Variants in FDFT1 observed in about 807,000 individuals in gnomAD.
FDFT1 encodes squalene synthase.
Under a neutral mutation model 46.8 loss-of-function variants are expected in FDFT1, and 68 were observed. The observed-to-expected ratio is 1.45, with a 90% CI of 1.19 to 1.78. The LOEUF (loss-of-function observed/expected upper bound fraction) is 1.78, where lower values mean the gene tolerates loss of function less well. Among genes scored for constraint, FDFT1 ranks in the 40% most tolerant of loss-of-function variants. The pLI is 0.00. For synonymous variants in FDFT1, 351 were observed against 185.1 expected, an observed-to-expected ratio of 1.90 and a Z score of -7.28; for missense variants, 928 against 524.4, an observed-to-expected ratio of 1.77 and a Z score of -7.52.
At chr8:11,814,084 A>G (rs1393959285) in intron 3 of FDFT1, among the ~76,000 whole-genome samples, 4 of 152,230 alleles carry the variant, frequency 2.6e-5, no homozygotes, top group African/African-American at 9.6e-5. Flanking sequence ...TCCCACCCTC[A>G]TTGACCTTTC....
chr8:11,806,277 G>C (rs151164525), intron 1 of FDFT1, among the ~76,000 whole-genome samples: 3 of 152,142 alleles, frequency 2.0e-5, no homozygotes, highest in African/African-American at 7.2e-5. Flanking sequence ...ACCCAAGAGG[G>C]ACAGGCACCA....
chr8:11,827,959 T>C (rs1017775320), intron 5 of FDFT1, among the ~76,000 whole-genome samples: 3 of 152,060 alleles, frequency 2.0e-5, no homozygotes, highest in African/African-American at 4.8e-5. Flanking sequence ...CCCAGCACTT[T>C]GGGAAGCCCA....
intron 4 of FDFT1, among the ~76,000 whole-genome samples, chr8:11,822,159 C>G (rs768689457): frequency 6.6e-6 from 1 of 152,178 alleles, no homozygotes; most frequent in African/African-American, 2.4e-5. Context: ...AACTACACAT[C>G]AAAACATAAG....
At chr8:11,817,220 G>A (rs577902526) in intron 3 of FDFT1, among the ~76,000 whole-genome samples, 2 of 152,140 alleles carry the variant, frequency 1.3e-5, no homozygotes, top group African/African-American at 2.4e-5. Context: ...GGATGAAGCC[G>A]ACTTGATCGT....
Position 11,826,158 on chromosome 8 carries a change from C to T in FDFT1, c.645C>T (p.Asn215=). The change falls in exon 5 of 8, where the codon AAC becomes AAT. Residue 215 remains asparagine (N), a synonymous_variant. Coordinates refer to ENST00000220584, the MANE Select transcript of FDFT1 (RefSeq NM_004462.5). ...TGGGCCTGTTTTTGCAGAAAACAAA[C>T]ATCATCCGTGACTATCTGGAAGACC... is the stretch of plus-strand genomic sequence containing the variant. ...NSMGLFLQKT[N]IIRDYLEDQQ... The T allele has an allele frequency of 6.2e-7, 1 of 1,602,672 alleles. No individual in the cohort carries two copies. Among genetic ancestry groups the T allele is most frequent in the Non-Finnish European group, 8.5e-7 (1 of 1,171,388 alleles).
chr8:11,818,802 T>C (rs561994970), intron 3 of FDFT1, among the ~76,000 whole-genome samples: 51 of 152,366 alleles, frequency 3.3e-4, no homozygotes, highest in African/African-American at 1.2e-3. Flanking sequence ...CTTGACTGTT[T>C]ATCCAATTTG....
chr8:11,834,957 C>T (rs946461731), intron 7 of FDFT1, among the ~76,000 whole-genome samples: 6 of 152,160 alleles, frequency 3.9e-5, no homozygotes, highest in African/African-American at 1.2e-4. Context: ...AACCCTGTCT[C>T]TACTAAAAAT....
At chr8:11,802,209 C>A (rs115962864), upstream of FDFT1, 2,054 of 408,964 alleles carry the variant, frequency 5.0e-3, 34 homozygotes, top group African/African-American at 0.034. Flanking sequence ...GGGTGTGTTA[C>A]AGTAAAGACG....
intron 3 of FDFT1, among the ~76,000 whole-genome samples, chr8:11,818,849 T>C (rs555728320): frequency 6.3e-4 from 96 of 152,268 alleles, no homozygotes; most frequent in Non-Finnish European, 1.2e-3. Context: ...TTTAGCCCAC[T>C]TATATTTAAG....
intron 7 of FDFT1, among the ~76,000 whole-genome samples, chr8:11,838,107 G>A (rs1347545214): frequency 1.3e-5 from 2 of 152,216 alleles, no homozygotes; most frequent in African/African-American, 2.4e-5. Flanking sequence ...GGGATGTGAA[G>A]ATCATTGTGG....
chr8:11,817,881 G>T (rs997450870), intron 3 of FDFT1, among the ~76,000 whole-genome samples: 1 of 151,456 alleles, frequency 6.6e-6, no homozygotes, highest in African/African-American at 2.4e-5. Context: ...TCTGATCTTA[G>T]TTATTTCTTG....
At chr8:11,829,112 C>T (rs561408300) in intron 5 of FDFT1, among the ~76,000 whole-genome samples, 7 of 151,824 alleles carry the variant, frequency 4.6e-5, no homozygotes, top group Admixed American at 1.3e-4. Context: ...TTTACATTCC[C>T]GTCAGCAGTG....
intron 7 of FDFT1, among the ~76,000 whole-genome samples, chr8:11,833,525 C>T (rs1289303906): frequency 6.6e-6 from 1 of 152,122 alleles, no homozygotes; most frequent in African/African-American, 2.4e-5. Flanking sequence ...ACTTTGTGGC[C>T]AATTCCATTA....
At chr8:11,834,594 G>C (rs1293321) in intron 7 of FDFT1, among the ~76,000 whole-genome samples, 148,680 of 152,336 alleles carry the variant, frequency 0.98, 72,658 homozygotes, top group East Asian at 1. Flanking sequence ...CCACCCAAAC[G>C]TATCGAATCA....
intron 5 of FDFT1, among the ~76,000 whole-genome samples, chr8:11,827,442 C>T (rs936726282): frequency 4.0e-5 from 6 of 150,574 alleles, no homozygotes; most frequent in Non-Finnish European, 7.4e-5. Context: ...CCCTTGAGCG[C>T]AGGAGCTCAA....
intron 3 of FDFT1, among the ~76,000 whole-genome samples, chr8:11,817,034 G>A (rs1808556285): frequency 6.6e-6 from 1 of 152,140 alleles, no homozygotes; most frequent in South Asian, 2.1e-4. Context: ...ATTATTTTGA[G>A]ATGCGTTCCA....
At chr8:11,826,732 T>C (rs948436223) in intron 5 of FDFT1, among the ~76,000 whole-genome samples, 2 of 152,170 alleles carry the variant, frequency 1.3e-5, no homozygotes, top group African/African-American at 4.8e-5. Context: ...GGAGAATCGC[T>C]TGAACCCAGG....
At chr8:11,820,885 A>G (rs1484927135) in intron 3 of FDFT1, among the ~76,000 whole-genome samples, 1 of 152,166 alleles carries the variant, frequency 6.6e-6, no homozygotes, top group Non-Finnish European at 1.5e-5. Flanking sequence ...CCACTGTCCA[A>G]CCAGTGCCAG....
chr8:11,800,980 T>C (rs189391014), upstream of FDFT1, among the ~76,000 whole-genome samples: 1 of 152,212 alleles, frequency 6.6e-6, no homozygotes, highest in Admixed American at 6.5e-5. Context: ...ATCTAATACA[T>C]AAGTAAATGA....
Sources: gnomAD v4.1 joint callset for allele counts (sites outside exome capture counted in the v4.1 genomes callset) on GRCh38, gnomAD v4.1.1 for gene constraint, MANE v1.5 for transcripts, NCBI Gene and HGNC (gene_info 2026-07-23, HGNC 2026-07-21) for gene names.